The following TRMT44 variants were observed in gnomAD, a reference collection of about 807,000 sequenced individuals.
The protein encoded by TRMT44 is probable tRNA (uracil-O(2)-)-methyltransferase.
TRMT44 carries 78 observed loss-of-function variants against 77.3 expected under a neutral mutation model. That is an observed-to-expected ratio of 1.01 (90% CI 0.84 to 1.22). The LOEUF (loss-of-function observed/expected upper bound fraction) is 1.22. Ranked by LOEUF, TRMT44 falls within the 50% of genes most tolerant of loss-of-function variation. TRMT44 has a pLI of 0.00. For missense variants in TRMT44, 1,090 were observed against 964.4 expected, an observed-to-expected ratio of 1.13 and a Z score of -1.73; for synonymous variants, 391 against 383.3, an observed-to-expected ratio of 1.02 and a Z score of -0.23.
chr4:8,499,687 A>T, the TRMT44 span, among the ~76,000 whole-genome samples: 1 of 152,206 alleles, frequency 6.6e-6, no homozygotes, highest in Non-Finnish European at 1.5e-5. Context: ...GTGTGTTCTC[A>T]TCTATAAGTG....
At chr4:8,513,476 A>G in the TRMT44 span, among the ~76,000 whole-genome samples, 1 of 152,354 alleles carries the variant, frequency 6.6e-6, no homozygotes. Flanking sequence ...GGATGAGGAC[A>G]CAGCCAAACC....
intron 2 of TRMT44, among the ~76,000 whole-genome samples, chr4:8,489,591 C>T (rs889956814): frequency 6.6e-6 from 1 of 152,216 alleles, no homozygotes; most frequent in African/African-American, 2.4e-5. Context: ...ATTCTCCTGC[C>T]TCAGCCTCCC....
In TRMT44 at chr4:8,476,209, C is replaced by T; in HGVS notation, c.*208C>T. 8.3e-6 allele frequency: 5 copies of T among 599,072 alleles called. No individual in the cohort carries two copies. The East Asian group carries it at 1.4e-4, about 17-fold the overall frequency. 37.1% of individuals were successfully genotyped at this position (599,072 alleles called of 1,614,324 possible). ...TACTCGGAAGCCCCCAGCTGACTGC[C>T]TGGCTTGTTTCAGATGCAGCCGCTT... On this transcript the variant is annotated 3_prime_UTR_variant, in exon 11 of 11. Coordinates refer to ENST00000389737, the MANE Select transcript of TRMT44 (RefSeq NM_152544.3).
chr4:8,468,631 C>T, intron 9 of TRMT44: 1 of 562,504 alleles, frequency 1.8e-6, no homozygotes, highest in Admixed American at 3.2e-5. Context: ...TACTCATTTT[C>T]AATCTAGAAA....
chr4:8,496,689 C>T (rs1330873982), downstream of TRMT44, among the ~76,000 whole-genome samples: 2 of 152,074 alleles, frequency 1.3e-5, no homozygotes, highest in East Asian at 1.9e-4. Flanking sequence ...CAGATGCAGG[C>T]GGTCACTGTG....
At chr4:8,513,162 C>T in the TRMT44 span, among the ~76,000 whole-genome samples, 7 of 152,336 alleles carry the variant, frequency 4.6e-5, no homozygotes, top group Non-Finnish European at 1.0e-4. Flanking sequence ...AAAGAAATAC[C>T]TGAGACTGGG....
chr4:8,440,935 T>A lies in TRMT44; in HGVS notation c.113T>A (p.Leu38His). 1.3e-6 allele frequency: 2 copies of A among 1,530,224 alleles called. No individual in the cohort carries two copies. Among genetic ancestry groups the A allele is most frequent in the Non-Finnish European group, 1.7e-6 (2 of 1,145,394 alleles). The allele number at this position is 1,530,224 out of a possible 1,614,324, so 94.8% of individuals were successfully genotyped here. The change falls in exon 1 of 11, where the codon CTT becomes CAT. Residue 38 changes from leucine (L) to histidine (H), a missense_variant. Leu to His is a moderately conservative substitution (Grantham distance 99, BLOSUM62 -3). Coordinates refer to ENST00000389737, the MANE Select transcript of TRMT44 (RefSeq NM_152544.3). Reference protein sequence around the residue: ...LERPQVANKRLCGARLEARWS... With the variant: ...LERPQVANKRHCGARLEARWS... ...AGGCCGCAGGTGGCAAACAAACGGC[T>A]TTGCGGCGCCCGCCTGGAGGCCCGC...
At chr4:8,453,977 C>T (rs937357557) in intron 5 of TRMT44, among the ~76,000 whole-genome samples, 5 of 152,134 alleles carry the variant, frequency 3.3e-5, no homozygotes, top group Admixed American at 2.6e-4. Context: ...TACCTATAAG[C>T]TGGTTGTGGG....
At chr4:8,498,122 G>C (rs142500451), downstream of TRMT44, among the ~76,000 whole-genome samples, 1 of 152,236 alleles carries the variant, frequency 6.6e-6, no homozygotes, top group Non-Finnish European at 1.5e-5. The surrounding 1 kb of genome is among the most constrained non-coding windows in gnomAD (Gnocchi z 4.3). Flanking sequence ...TCCCTTTGTG[G>C]GTTCCCCTTC....
downstream of TRMT44, among the ~76,000 whole-genome samples, chr4:8,479,820 CTT>C (rs199863189): frequency 1.5e-4 from 22 of 149,768 alleles, no homozygotes; most frequent in African/African-American, 2.2e-4. Flanking sequence ...ATTTTTGACT[CTT>C]TTTTAATAAC....
chr4:8,449,862 A>C lies in TRMT44; in HGVS notation c.928A>C (p.Lys310Gln). ...GTATAGCAAGGCTTACCAGGAACTT[A>C]AAGAGAAGTATAAGGAAATGGTTAA... is the stretch of plus-strand genomic sequence containing the variant. ...MKYSKAYQELKEKYKEMVKVW... is the reference protein window; with the variant it reads ...MKYSKAYQELQEKYKEMVKVW... The change falls in exon 3 of 11, where the codon AAA becomes CAA. Residue 310 changes from lysine to glutamine, a missense_variant. Coordinates refer to ENST00000389737, the MANE Select transcript of TRMT44 (RefSeq NM_152544.3). 6.5e-7 allele frequency: 1 copy of C among 1,534,432 alleles called. No individual in the cohort carries two copies. Among genetic ancestry groups the C allele is most frequent in the Non-Finnish European group, 8.7e-7 (1 of 1,145,626 alleles).
chr4:8,464,885 CAAAGA>C (rs1370259904), intron 7 of TRMT44, among the ~76,000 whole-genome samples: 19 of 152,248 alleles, frequency 1.2e-4, no homozygotes, highest in Non-Finnish European at 1.9e-4. Context: ...TACACAGCCA[CAAAGA>C]AAAGGAAATC....
At chr4:8,500,772 C>G in the TRMT44 span, among the ~76,000 whole-genome samples, 11 of 152,008 alleles carry the variant, frequency 7.2e-5, no homozygotes, top group African/African-American at 2.7e-4. Flanking sequence ...ATCCTTGTGC[C>G]TCAGCCTCCC....
the TRMT44 span, among the ~76,000 whole-genome samples, chr4:8,499,613 GATTTAGTGTCA>G: frequency 7.9e-6 from 1 of 126,142 alleles, no homozygotes; most frequent in East Asian, 2.3e-4. Context: ...CCTGAGGGTC[GATTTAGTGTCA>G]TGCCTCTTTC....
At chr4:8,465,302 T>A in intron 7 of TRMT44, 76 bp from the exon 8 acceptor site, 2 of 1,427,264 alleles carry the variant, frequency 1.4e-6, no homozygotes, top group Non-Finnish European at 1.9e-6. Flanking sequence ...GCGATTGCCG[T>A]GTGGCTTTGT....
At chr4:8,483,968 G>A (rs1727719764) in intron 2 of TRMT44, among the ~76,000 whole-genome samples, 1 of 152,178 alleles carries the variant, frequency 6.6e-6, no homozygotes. Context: ...CATGTGTAGG[G>A]AAGGGAGGGG....
intron 7 of TRMT44, among the ~76,000 whole-genome samples, chr4:8,464,633 C>A (rs920287368): frequency 2.0e-5 from 3 of 152,202 alleles, no homozygotes; most frequent in Admixed American, 6.5e-5. Context: ...CAAGGAGTAA[C>A]TAGGTGAAAG....
At chr4:8,501,335 G>A in the TRMT44 span, among the ~76,000 whole-genome samples, 1 of 152,162 alleles carries the variant, frequency 6.6e-6, no homozygotes, top group Non-Finnish European at 1.5e-5. The surrounding 1 kb of genome is among the most constrained non-coding windows in gnomAD (Gnocchi z 4.4). Context: ...AAGTCTGAGA[G>A]ATGGTATGTA....
chr4:8,470,926 C>A, intron 9 of TRMT44, 158 bp from the exon 10 acceptor site: 1 of 580,758 alleles, frequency 1.7e-6, no homozygotes, highest in Non-Finnish European at 3.1e-6. Flanking sequence ...CGGTTTGGTG[C>A]GGTGTGGTGT....
Sources: allele counts gnomAD v4.1 joint callset (sites outside exome capture counted in the v4.1 genomes callset), GRCh38; gene constraint gnomAD v4.1.1; non-coding constraint Gnocchi (gnomAD v3.1); transcripts MANE v1.5; gene names NCBI Gene and HGNC (gene_info 2026-07-23, HGNC 2026-07-21).